The following TOP1 variants were observed in gnomAD, a reference collection of about 807,000 sequenced individuals.
The protein encoded by TOP1 is DNA topoisomerase I.
TOP1 carries 10 observed loss-of-function variants against 111.1 expected under a neutral mutation model. The ratio of observed to expected loss-of-function variants is 0.09; its 90% CI spans 0.06 to 0.15. TOP1 has a LOEUF of 0.15. Among genes scored for constraint, TOP1 ranks in the 10% least tolerant of loss-of-function variants. The pLI is 1.00. For synonymous variants in TOP1, 271 were observed against 302.9 expected, an observed-to-expected ratio of 0.89 and a Z score of 1.10; for missense variants, 474 against 926.7, an observed-to-expected ratio of 0.51 and a Z score of 6.34.
Position 41,110,014 on chromosome 20 carries a change from G to A in TOP1, c.1309-2768G>A, listed in dbSNP as rs755601600. Among the ~76,000 whole-genome samples, 2 of 152,156 alleles carry A rather than the reference G, an allele frequency of 1.3e-5. No individual in the cohort carries two copies. The highest frequency in any genetic ancestry group is 1.9e-4 in the East Asian group (1 of 5,196). ...AAAAACATGGTTAAGGGCCAGGTGC[G>A]GTTGGTGCATGCCTGTAATCCAAGC... On this transcript the variant is annotated intron_variant, in intron 13 of 20. Coordinates refer to ENST00000361337, the MANE Select transcript of TOP1 (RefSeq NM_003286.4). This position sits in a 1 kb window ranked among gnomAD's most constrained non-coding sequence, Gnocchi z 4.2.
At chr20:41,070,211 G>C (rs2033654425) in intron 3 of TOP1, among the ~76,000 whole-genome samples, 1 of 152,314 alleles carries the variant, frequency 6.6e-6, no homozygotes, top group South Asian at 2.1e-4. Context: ...TAACTGGGTG[G>C]CTGTTCACGC....
chr20:41,033,000 C>A lies in TOP1; in HGVS notation c.58+3545C>A, dbSNP rs896859286. Among the ~76,000 whole-genome samples, 19 of 152,186 alleles carry A rather than the reference C, an allele frequency of 1.2e-4. No homozygotes were observed. Among genetic ancestry groups the A allele is most frequent in the Admixed American group, 3.9e-4 (6 of 15,278 alleles). On this transcript the variant is annotated intron_variant, in intron 2 of 20. Transcript: ENST00000361337. The surrounding 1 kb of genome is among the most constrained non-coding windows in gnomAD (Gnocchi z 4.3). ...GTGGTTTTCTTCCCTTACATTGCAA[C>A]TGGACTCCTTGAGGCACCTTTTTAG...
rs2033644965 is a variant in TOP1, at chr20:41,069,422, T to A, written c.156-6749T>A. Among the ~76,000 whole-genome samples the A allele has an allele frequency of 6.6e-6, 1 of 152,164 alleles. No homozygotes were observed. Among genetic ancestry groups the A allele is most frequent in the African/African-American group, 2.4e-5 (1 of 41,434 alleles). The stretch of plus-strand genomic sequence containing the variant: ...ACCACCATTCACATGGGAGTCAGTA[T>A]GATATATTGAATAGCACACTAAGAT... On this transcript the variant is annotated intron_variant, in intron 3 of 20. Coordinates refer to ENST00000361337, the MANE Select transcript of TOP1 (RefSeq NM_003286.4). This position sits in a 1 kb window ranked among gnomAD's most constrained non-coding sequence, Gnocchi z 4.1.
intron 13 of TOP1, among the ~76,000 whole-genome samples, chr20:41,104,445 C>T (rs1320633406): frequency 1.3e-5 from 2 of 152,178 alleles, no homozygotes; most frequent in East Asian, 1.9e-4. Flanking sequence ...ATGCTGAGTA[C>T]TTGTACAGGT....
At position 41,029,572 on chromosome 20, in the gene TOP1, C is replaced by T. The variant is rs747140817; in HGVS notation, c.58+117C>T. The stretch of plus-strand genomic sequence containing the variant: ...CGTCCCAGAGACTAAGTCCCGGCTC[C>T]TCGCTCACCGGCCCCATTGTTCCCA... On this transcript the variant is annotated intron_variant, in intron 2 of 20. Coordinates refer to ENST00000361337, the MANE Select transcript of TOP1 (RefSeq NM_003286.4). This position sits in a 1 kb window ranked among gnomAD's most constrained non-coding sequence, Gnocchi z 6.1. 5.1e-5 allele frequency: 42 copies of T among 818,846 alleles called. No individual in the cohort carries two copies. Among genetic ancestry groups the T allele is most frequent in the Non-Finnish European group, 3.0e-5 (15 of 497,494 alleles). The allele number at this position is 818,846 out of a possible 1,614,324, so 50.7% of individuals were successfully genotyped here.
At chr20:41,033,074 A>G (rs2033140750) in intron 2 of TOP1, among the ~76,000 whole-genome samples, 1 of 152,172 alleles carries the variant, frequency 6.6e-6, no homozygotes, top group East Asian at 1.9e-4. Flanking sequence ...CATAAAAGAA[A>G]GTTGCTTGTC....
chr20:41,044,139 G>T (rs1172627706), intron 2 of TOP1, among the ~76,000 whole-genome samples: 1 of 152,180 alleles, frequency 6.6e-6, no homozygotes, highest in African/African-American at 2.4e-5. Context: ...AGCCAGGCGT[G>T]GTGGCAGACA....
intron 18 of TOP1, among the ~76,000 whole-genome samples, chr20:41,120,571 G>A (rs2034406738): frequency 6.6e-6 from 1 of 152,240 alleles, no homozygotes; most frequent in Non-Finnish European, 1.5e-5. Flanking sequence ...GAAGAACTTA[G>A]ATTCACCAGG....
chr20:41,039,434 G>A (rs187822208), intron 2 of TOP1, among the ~76,000 whole-genome samples: 123 of 151,410 alleles, frequency 8.1e-4, no homozygotes, highest in Middle Eastern at 3.4e-3. Context: ...CTAGGACCTT[G>A]GATTTCCAAA....
intron 2 of TOP1, among the ~76,000 whole-genome samples, chr20:41,044,365 T>C (rs572394268): frequency 6.6e-6 from 1 of 152,362 alleles, no homozygotes; most frequent in East Asian, 1.9e-4. Context: ...AATTCCAGTG[T>C]TGTCTTCTAT....
rs2033665975 is a variant in TOP1 at position 41,071,307 on chromosome 20, C to G, written c.156-4864C>G. On this transcript the variant is annotated intron_variant, in intron 3 of 20. Transcript: ENST00000361337. This position sits in a 1 kb window ranked among gnomAD's most constrained non-coding sequence, Gnocchi z 4.3. ...TAGACCAAAGGTTTTGCTGTCATCA[C>G]TTTAAAAATAGTGTAAGTTATTTTT... is the stretch of plus-strand genomic sequence containing the variant. Among the ~76,000 whole-genome samples, 1 of 151,922 alleles carries G rather than the reference C, an allele frequency of 6.6e-6. No individual in the cohort carries two copies. The highest frequency in any genetic ancestry group is 1.5e-5 in the Non-Finnish European group (1 of 67,958).
chr20:41,082,727 T>C lies in TOP1; in HGVS notation c.507+1487T>C, dbSNP rs189725140. Among the ~76,000 whole-genome samples, 1 of 152,210 alleles carries C rather than the reference T, an allele frequency of 6.6e-6. No homozygotes were observed. Among genetic ancestry groups the C allele is most frequent in the Non-Finnish European group, 1.5e-5 (1 of 68,028 alleles). On this transcript the variant is annotated intron_variant, in intron 7 of 20. Transcript: ENST00000361337. This position sits in a 1 kb window ranked among gnomAD's most constrained non-coding sequence, Gnocchi z 4.1. ...AATTAATAAGCACTAATTCAAGGAA[T>C]TGAGAGTGAAATGTTAAGTAGTGAT...
At chr20:41,038,835 A>G (rs1026332192) in intron 2 of TOP1, among the ~76,000 whole-genome samples, 2 of 152,128 alleles carry the variant, frequency 1.3e-5, no homozygotes, top group Non-Finnish European at 2.9e-5. Context: ...AAAAAATACA[A>G]AAATTAGCCA....
chr20:41,043,606 T>C (rs1338957578), intron 2 of TOP1, among the ~76,000 whole-genome samples: 1 of 152,192 alleles, frequency 6.6e-6, no homozygotes, highest in Non-Finnish European at 1.5e-5. Flanking sequence ...CTTGGTTGAA[T>C]TAGTAATAGG....
intron 3 of TOP1, 22 bp from the exon 4 acceptor site, chr20:41,076,149 T>A: frequency 1.9e-6 from 3 of 1,603,330 alleles, no homozygotes; most frequent in Non-Finnish European, 2.6e-6. Context: ...GGGCTAACGC[T>A]TTGTGACTTA....
At chr20:41,044,854 G>A (rs945141711) in intron 2 of TOP1, among the ~76,000 whole-genome samples, 11 of 152,296 alleles carry the variant, frequency 7.2e-5, no homozygotes, top group African/African-American at 9.6e-5. Context: ...GCAGTGGCGC[G>A]ATCTCAGCTT....
Position 41,078,854 on chromosome 20 carries a change from C to G in TOP1, c.335+1217C>G, listed in dbSNP as rs1254425544. On this transcript the variant is annotated intron_variant, in intron 5 of 20. Coordinates refer to ENST00000361337, the MANE Select transcript of TOP1 (RefSeq NM_003286.4). This position sits in a 1 kb window ranked among gnomAD's most constrained non-coding sequence, Gnocchi z 5.3. ...TGTGTATATGTCTTTGTAGAGAATC[C>G]AGATGCTTCACTGGAATACAGTTTT... 2.6e-5 allele frequency among the ~76,000 whole-genome samples: 4 copies of G among 152,168 alleles called. No homozygotes were observed. The highest frequency in any genetic ancestry group is 4.8e-5 in the African/African-American group (2 of 41,438).
At chr20:41,052,791 G>T (rs1003789829) in intron 2 of TOP1, among the ~76,000 whole-genome samples, 1 of 152,152 alleles carries the variant, frequency 6.6e-6, no homozygotes, top group African/African-American at 2.4e-5. Flanking sequence ...AGGAGTTCGA[G>T]ACCAGCCTGG....
intron 3 of TOP1, among the ~76,000 whole-genome samples, chr20:41,065,365 TA>T (rs1160793319): frequency 6.6e-6 from 1 of 152,230 alleles, no homozygotes; most frequent in Non-Finnish European, 1.5e-5. Context: ...ATAGGATAGT[TA>T]TTAAGTCACT....
Sources: gnomAD v4.1 joint callset for allele counts (sites outside exome capture counted in the v4.1 genomes callset) on GRCh38, gnomAD v4.1.1 for gene constraint, Gnocchi (gnomAD v3.1) non-coding constraint, MANE v1.5 for transcripts, NCBI Gene and HGNC (gene_info 2026-07-23, HGNC 2026-07-21) for gene names.